LRMDA: variants seen among roughly 807,000 people sequenced by gnomAD.
LRMDA encodes leucine rich melanocyte differentiation associated, also known as leucine-rich melanocyte differentiation-associated protein.
In LRMDA, 18 loss-of-function variants were observed where a neutral mutation model predicts 29.8. The ratio of observed to expected loss-of-function variants is 0.60; its 90% CI spans 0.42 to 0.90. The LOEUF (loss-of-function observed/expected upper bound fraction) is 0.90. LRMDA is among the 40% of genes least tolerant of loss of function. The probability of loss-of-function intolerance (pLI) is 0.00; values close to 1 mark genes in which losing one functional copy is unlikely to be tolerated. For missense variants in LRMDA, 273 were observed against 273.9 expected, an observed-to-expected ratio of 1.00 and a Z score of 0.02; for synonymous variants, 125 against 109.4, an observed-to-expected ratio of 1.14 and a Z score of -0.89.
intron 6 of LRMDA, among the ~76,000 whole-genome samples, chr10:76,442,455 G>C (rs928869405): frequency 6.6e-6 from 1 of 152,190 alleles, no homozygotes; most frequent in Non-Finnish European, 1.5e-5. Flanking sequence ...GCTTTGGGAG[G>C]CTTAGGCAGA....
chr10:76,256,126 C>T (rs1852589130), intron 5 of LRMDA, among the ~76,000 whole-genome samples: 1 of 152,158 alleles, frequency 6.6e-6, no homozygotes, highest in Non-Finnish European at 1.5e-5. Context: ...TGTTTGTTGG[C>T]TTGTCTTGGT....
rs571135616 is a variant in LRMDA, at chr10:76,268,943, C to A, written c.517-55458C>A. Among the ~76,000 whole-genome samples, 704 of 152,212 alleles carry A rather than the reference C, an allele frequency of 4.6e-3. 6 individuals carry two copies. The highest frequency in any genetic ancestry group is 0.016 in the African/African-American group (644 of 41,544). On this transcript the variant is annotated intron_variant, in intron 5 of 6. Transcript: ENST00000611255. ...CTTGTCAGAGAGATTATTATATGAA[C>A]CCTAGGTGACTTCTGACTGCAGAAG...
chr10:75,749,053 CT>C (rs1437632935), intron 2 of LRMDA, among the ~76,000 whole-genome samples: 1 of 152,104 alleles, frequency 6.6e-6, no homozygotes, highest in Non-Finnish European at 1.5e-5. Context: ...TCTGCTGCCC[CT>C]GAGACAACAA....
At chr10:76,290,411 C>CTTTTTT (rs11321369) in intron 5 of LRMDA, among the ~76,000 whole-genome samples, 22 of 76,744 alleles carry the variant, frequency 2.9e-4, no homozygotes, top group Admixed American at 5.2e-4. Context: ...TTTATTTTCT[C>CTTTTTT]TTTTTTTTTT....
intron 5 of LRMDA, among the ~76,000 whole-genome samples, chr10:76,292,458 G>C (rs1366914902): frequency 6.6e-6 from 1 of 152,116 alleles, no homozygotes; most frequent in Non-Finnish European, 1.5e-5. Context: ...TTCTAGCAGA[G>C]TCTCTTTAGG....
chr10:75,988,353 T>C (rs1218286131), intron 2 of LRMDA, among the ~76,000 whole-genome samples: 1 of 151,694 alleles, frequency 6.6e-6, no homozygotes, highest in Non-Finnish European at 1.5e-5. Flanking sequence ...AGGCCGTGAG[T>C]CCGAACAGGG....
intron 6 of LRMDA, among the ~76,000 whole-genome samples, chr10:76,454,909 G>A (rs1352815742): frequency 6.6e-6 from 1 of 152,282 alleles, no homozygotes; most frequent in South Asian, 2.1e-4. Flanking sequence ...CAGGGATCTG[G>A]TTTGACTGGG....
chr10:75,621,901 C>A (rs1257607514), intron 2 of LRMDA, among the ~76,000 whole-genome samples: 1 of 152,192 alleles, frequency 6.6e-6, no homozygotes, highest in Non-Finnish European at 1.5e-5. Context: ...GGCTATTATT[C>A]TTCTGAGCAG....
Position 76,243,161 on chromosome 10 carries a change from G to A in LRMDA, c.517-81240G>A, listed in dbSNP as rs373365793. Among the ~76,000 whole-genome samples the A allele has an allele frequency of 4.1e-4, 63 of 152,204 alleles. No individual in the cohort carries two copies. In the East Asian group the frequency reaches 0.011, roughly 26 times the overall value. On this transcript the variant is annotated intron_variant, in intron 5 of 6. Transcript: ENST00000611255. The stretch of plus-strand genomic sequence containing the variant: ...TCCCGTCCGTATCACGACAAGCCTC[G>A]GAGTGAACTGTTTATTTATCAATTC...
At chr10:75,670,014 A>G (rs947868596) in intron 2 of LRMDA, among the ~76,000 whole-genome samples, 4 of 152,190 alleles carry the variant, frequency 2.6e-5, no homozygotes, top group Admixed American at 6.5e-5. Flanking sequence ...AAATATAGCA[A>G]CTCTTTATTA....
intron 6 of LRMDA, among the ~76,000 whole-genome samples, chr10:76,475,300 A>G (rs1469610049): frequency 6.6e-6 from 1 of 151,812 alleles, no homozygotes; most frequent in East Asian, 1.9e-4. Context: ...AGTTTTGAAT[A>G]TATATTTTAA....
chr10:76,244,098 T>C (rs1266665823), intron 5 of LRMDA, among the ~76,000 whole-genome samples: 2 of 152,294 alleles, frequency 1.3e-5, no homozygotes, highest in East Asian at 3.9e-4. Flanking sequence ...TGGTGCAAGA[T>C]CCCTGGGAAA....
At chr10:75,558,808 T>G (rs1375495568) in intron 2 of LRMDA, among the ~76,000 whole-genome samples, 3 of 146,424 alleles carry the variant, frequency 2.0e-5, no homozygotes, top group Non-Finnish European at 4.5e-5. Context: ...TGCGATAGTT[T>G]ACTGAGAATG....
intron 5 of LRMDA, among the ~76,000 whole-genome samples, chr10:76,135,210 C>G (rs7898462): frequency 0.33 from 50,572 of 152,060 alleles, 9,518 homozygotes; most frequent in East Asian, 0.65. Context: ...TCTCATAATG[C>G]CCACAAATGT....
At chr10:76,232,327 T>C (rs1035127976) in intron 5 of LRMDA, among the ~76,000 whole-genome samples, 3 of 152,172 alleles carry the variant, frequency 2.0e-5, no homozygotes, top group Non-Finnish European at 2.9e-5. Flanking sequence ...ATTGAATCTA[T>C]GGAATAAATG....
intron 2 of LRMDA, among the ~76,000 whole-genome samples, chr10:75,903,640 G>T (rs1165473869): frequency 6.6e-6 from 1 of 152,220 alleles, no homozygotes; most frequent in African/African-American, 2.4e-5. Context: ...AAAAATGCCA[G>T]AGCCTCGAGA....
chr10:76,299,599 C>CTTTTTTTTTT (rs369236399), intron 5 of LRMDA, among the ~76,000 whole-genome samples: 1 of 97,856 alleles, frequency 1.0e-5, no homozygotes, highest in African/African-American at 4.7e-5. Context: ...ACCCCCCTTC[C>CTTTTTTTTTT]TTTCTTTTTT....
At chr10:75,488,733 C>A (rs891900876) in intron 2 of LRMDA, among the ~76,000 whole-genome samples, 1 of 152,208 alleles carries the variant, frequency 6.6e-6, no homozygotes, top group Admixed American at 6.5e-5. Context: ...GCATCAGCAG[C>A]AACATCCTTC....
At chr10:76,197,919 CA>C (rs574293527) in intron 5 of LRMDA, among the ~76,000 whole-genome samples, 234 of 138,614 alleles carry the variant, frequency 1.7e-3, no homozygotes, top group East Asian at 1.9e-3. Flanking sequence ...TACTCCATTT[CA>C]AAAAAAAAAA....
Sources: allele counts gnomAD v4.1 joint callset (sites outside exome capture counted in the v4.1 genomes callset), GRCh38; gene constraint gnomAD v4.1.1; transcripts MANE v1.5; gene names NCBI Gene and HGNC (gene_info 2026-07-23, HGNC 2026-07-21).